ACVR2A: variants seen among roughly 807,000 people sequenced by gnomAD.
The protein encoded by ACVR2A is activin receptor type-2A.
In ACVR2A, 7 loss-of-function variants were observed where a neutral mutation model predicts 61.4. That is an observed-to-expected ratio of 0.11 (90% confidence interval 0.06 to 0.21). ACVR2A has a LOEUF of 0.21. Among genes scored for constraint, ACVR2A ranks in the 10% least tolerant of loss-of-function variants. ACVR2A has a pLI of 1.00. For synonymous variants in ACVR2A, 193 were observed against 208.3 expected (o/e 0.93, Z 0.63); for missense variants, 322 against 621.7 (o/e 0.52, Z 5.13).
intron 1 of ACVR2A, among the ~76,000 whole-genome samples, chr2:147,878,881 C>T (rs1686224314): frequency 1.3e-5 from 2 of 151,652 alleles, no homozygotes; most frequent in Admixed American, 6.6e-5. Context: ...TGCACTCCAG[C>T]CTGGGTGACA....
At chr2:147,884,019 G>GAAA (rs1291197748) in intron 1 of ACVR2A, among the ~76,000 whole-genome samples, 2 of 152,128 alleles carry the variant, frequency 1.3e-5, no homozygotes, top group Non-Finnish European at 2.9e-5. Flanking sequence ...CAGTGTAATT[G>GAAA]ACACTTTTAG....
intron 1 of ACVR2A, among the ~76,000 whole-genome samples, chr2:147,872,732 A>G (rs1234930738): frequency 1.3e-5 from 2 of 151,802 alleles, no homozygotes; most frequent in Non-Finnish European, 2.9e-5. Flanking sequence ...AGTTTTACAT[A>G]TAGATATTTT....
At position 147,896,278 on chromosome 2, in the gene ACVR2A, T is replaced by G. The variant is rs766236459; in HGVS notation, c.56-23T>G. The G allele has an allele frequency of 5.1e-6, 8 of 1,576,034 alleles. No individual in the cohort carries two copies. The African/African-American group carries it at 1.1e-4, about 21-fold the overall frequency. On this transcript the variant is annotated intron_variant, in intron 1 of 10. Coordinates refer to ENST00000241416, the MANE Select transcript of ACVR2A (RefSeq NM_001616.5). ...TATTTTAACAGATAATGTGGTTATA[T>G]TATTGTTTTTATTATCTTATAGGTG...
At chr2:147,848,792 T>C (rs1451934955) in intron 1 of ACVR2A, among the ~76,000 whole-genome samples, 2 of 151,974 alleles carry the variant, frequency 1.3e-5, no homozygotes, top group Non-Finnish European at 2.9e-5. Context: ...CCTTCACATG[T>C]ACCCCCAAAC....
At chr2:147,888,073 T>G (rs1686487215) in intron 1 of ACVR2A, among the ~76,000 whole-genome samples, 1 of 152,220 alleles carries the variant, frequency 6.6e-6, no homozygotes, top group South Asian at 2.1e-4. Context: ...TTGGAAAAGC[T>G]ATTCCTTTTC....
At chr2:147,902,890 T>G (rs976575835) in intron 4 of ACVR2A, 1 of 152,002 alleles carries the variant, frequency 6.6e-6, no homozygotes, top group Admixed American at 6.6e-5. Flanking sequence ...TGGAACATTC[T>G]TCCTCTGGAT....
intron 1 of ACVR2A, among the ~76,000 whole-genome samples, chr2:147,858,261 T>A (rs1412012049): frequency 6.6e-6 from 1 of 152,170 alleles, no homozygotes; most frequent in Non-Finnish European, 1.5e-5. Context: ...AATACAGTTA[T>A]TTTTTTCAAG....
At chr2:147,871,556 A>G (rs960698050) in intron 1 of ACVR2A, among the ~76,000 whole-genome samples, 11 of 152,094 alleles carry the variant, frequency 7.2e-5, no homozygotes, top group Non-Finnish European at 1.5e-5. Context: ...AGATATATCA[A>G]TATTTTGTGA....
intron 1 of ACVR2A, among the ~76,000 whole-genome samples, chr2:147,870,967 A>G (rs1685998809): frequency 6.6e-6 from 1 of 152,036 alleles, no homozygotes; most frequent in African/African-American, 2.4e-5. Flanking sequence ...TTGTTTGCCA[A>G]TAAGCTATAA....
intron 4 of ACVR2A, among the ~76,000 whole-genome samples, chr2:147,910,120 T>C (rs184162302): frequency 2.6e-4 from 39 of 152,246 alleles, no homozygotes; most frequent in African/African-American, 9.4e-4. Flanking sequence ...TTTTGTTCCG[T>C]TTTTACCCTT....
chr2:147,908,038 C>CAAAAAAAAA (rs1200221673), intron 4 of ACVR2A, among the ~76,000 whole-genome samples: 20 of 66,212 alleles, frequency 3.0e-4, no homozygotes, highest in South Asian at 5.8e-4. Flanking sequence ...GACTCTGTTT[C>CAAAAAAAAA]AAAAAAAAAA....
chr2:147,844,975 C>CTTT (rs879026054), upstream of ACVR2A: 186 of 127,080 alleles, frequency 1.5e-3, no homozygotes, highest in East Asian at 4.7e-3. Context: ...TCTTTTTTTT[C>CTTT]TTTTTTTTTT....
At chr2:147,915,023 TATAG>T (rs1194867529) in intron 4 of ACVR2A, among the ~76,000 whole-genome samples, 164 bp from the exon 5 acceptor site, 2 of 151,940 alleles carry the variant, frequency 1.3e-5, no homozygotes, top group Non-Finnish European at 2.9e-5. Context: ...TTGTGATCAC[TATAG>T]ATAATTAGTA....
intron 1 of ACVR2A, among the ~76,000 whole-genome samples, chr2:147,855,089 C>T (rs774468153): frequency 2.6e-5 from 4 of 152,156 alleles, no homozygotes; most frequent in Admixed American, 2.0e-4. Flanking sequence ...CCATGTTGGG[C>T]AGGCTGGTCT....
intron 5 of ACVR2A, 74 bp downstream of exon 5, chr2:147,915,408 A>C: frequency 6.4e-7 from 1 of 1,571,126 alleles, no homozygotes; most frequent in South Asian, 1.1e-5. Flanking sequence ...AAATAGTCTC[A>C]AAACAGAAGC....
intron 3 of ACVR2A, 80 bp downstream of exon 3, chr2:147,899,647 G>T: frequency 1.3e-6 from 2 of 1,577,078 alleles, no homozygotes; most frequent in Middle Eastern, 1.7e-4. Flanking sequence ...GGAATAATTT[G>T]CCCCTACCTC....
chr2:147,903,863 C>T (rs1441393634), intron 4 of ACVR2A, among the ~76,000 whole-genome samples: 1 of 151,970 alleles, frequency 6.6e-6, no homozygotes, highest in African/African-American at 2.4e-5. Flanking sequence ...CTGTGTCTTA[C>T]ACAGTATTTG....
chr2:147,889,811 G>A (rs1194232938), intron 1 of ACVR2A, among the ~76,000 whole-genome samples: 2 of 151,610 alleles, frequency 1.3e-5, no homozygotes, highest in Non-Finnish European at 2.9e-5. Flanking sequence ...CAGATTCTGT[G>A]TATTGCTATT....
chr2:147,858,738 C>G (rs1340641239), intron 1 of ACVR2A, among the ~76,000 whole-genome samples: 2 of 152,098 alleles, frequency 1.3e-5, no homozygotes, highest in Non-Finnish European at 2.9e-5. Context: ...TTAGGCAGTC[C>G]CTTTTGCAGT....
Sources: gnomAD v4.1 joint callset for allele counts (sites outside exome capture counted in the v4.1 genomes callset) on GRCh38, gnomAD v4.1.1 for gene constraint, MANE v1.5 for transcripts, NCBI Gene and HGNC (gene_info 2026-07-23, HGNC 2026-07-21) for gene names.